Variants in PLEC observed in about 807,000 individuals in gnomAD.
PLEC encodes plectin, also known as hemidesmosomal protein 1.
Under a neutral mutation model 392.8 loss-of-function variants are expected in PLEC, and 216 were observed. That is an observed-to-expected ratio of 0.55 (90% CI 0.49 to 0.62). PLEC has a LOEUF of 0.62. Ranked by LOEUF, PLEC falls within the 20% of genes least tolerant of loss-of-function variation. The pLI is 0.00. For synonymous variants in PLEC, 3,621 were observed against 2,980.6 expected (o/e 1.21, Z -7.00); for missense variants, 6,863 against 6,563.4 (o/e 1.05, Z -1.58).
At position 143,920,830 on chromosome 8, in the gene PLEC, G is replaced by C. The variant is rs1279778532; in HGVS notation, c.8991C>G (p.Tyr2997Ter). The change falls in exon 32 of 32, where the codon TAC becomes TAG. Residue 2997 changes from tyrosine to a stop codon, truncating the protein, a stop_gained. Coordinates refer to ENST00000345136, the MANE Select transcript of PLEC (RefSeq NM_201384.3). LOFTEE classifies it high-confidence loss of function. ...AGCGCTCACCTCGCTGCAGCTGCTGGTAGAGCTCGCGGTCGATGACCCTGC... is the reference window on the plus strand; with the variant it reads ...AGCGCTCACCTCGCTGCAGCTGCTGCTAGAGCTCGCGGTCGATGACCCTGC... ...LESRVIDREL[Y>*]QQLQRGERSV... 1.9e-6 allele frequency: 3 copies of C among 1,608,596 alleles called. No homozygotes were observed. The highest frequency in any genetic ancestry group is 2.5e-6 in the Non-Finnish European group (3 of 1,179,946).
Position 143,935,919 on chromosome 8 carries a change from GC to G in PLEC, c.530del (p.Gly177AlafsTer31). On this transcript the variant is annotated frameshift_variant, in exon 6 of 32. Coordinates refer to ENST00000345136, the MANE Select transcript of PLEC (RefSeq NM_201384.3). LOFTEE classifies it high-confidence loss of function. ...TGGAGGTGAAGTTGTCGCATCGCAGGCCCTGGTACCCCTCCACCATTCGCTG... is the reference window on the plus strand; with the variant it reads ...TGGAGGTGAAGTTGTCGCATCGCAGGCCTGGTACCCCTCCACCATTCGCTG... ...WSQRMVEGYQGLRCDNFTSSW... is the reference protein window; with the variant it reads ...WSQRMVEGYQXLRCDNFTSSW... 6.2e-7 allele frequency: 1 copy of G among 1,612,950 alleles called. No individual in the cohort carries two copies. Among genetic ancestry groups the G allele is most frequent in the Non-Finnish European group, 8.5e-7 (1 of 1,179,970 alleles).
In PLEC at chr8:143,920,302, T is replaced by C; in HGVS notation, c.9519A>G (p.Ala3173=). 2.2e-5 allele frequency: 35 copies of C among 1,590,568 alleles called. No individual in the cohort carries two copies. The highest frequency in any genetic ancestry group is 3.0e-5 in the Non-Finnish European group (35 of 1,174,564). Residue 3173 remains alanine (A), a synonymous_variant, in exon 32 of 32, where the codon GCA becomes GCG. Transcript: ENST00000345136. ...LDEETSRALS[A]PRADAKAYSD... ...TGTAGGCCTTGGCGTCGGCCCTTGG[T>C]GCCGACAGGGCCCTGCTGGTCTCCT...
At position 143,935,307 on chromosome 8, in the gene PLEC, CA is replaced by C; in HGVS notation, c.608del (p.Leu203ArgfsTer5). ...GGTACACCTTGTTCATGTCGATGAG[CA>C]GGGGCCTGGGACAAGCAGGTGGCTG... ...FNAIIHRHKPLLIDMNKVYRQ... is the reference protein window; with the variant it reads ...FNAIIHRHKPXLIDMNKVYRQ... On this transcript the variant is annotated frameshift_variant, in exon 7 of 32. Transcript: ENST00000345136. LOFTEE classifies it high-confidence loss of function. 6.2e-7 allele frequency: 1 copy of C among 1,602,802 alleles called. No individual in the cohort carries two copies. Among genetic ancestry groups the C allele is most frequent in the Non-Finnish European group, 8.5e-7 (1 of 1,179,290 alleles).
chr8:143,962,056 T>C (rs1832893874), intron 1 of PLEC, among the ~76,000 whole-genome samples: 1 of 152,218 alleles, frequency 6.6e-6, no homozygotes, highest in Admixed American at 6.5e-5. Context: ...TACTGCAGGA[T>C]GGCTGGGTAG....
At chr8:143,963,231 G>C (rs1564228018) in intron 1 of PLEC, among the ~76,000 whole-genome samples, 1 of 152,242 alleles carries the variant, frequency 6.6e-6, no homozygotes, top group Non-Finnish European at 1.5e-5. Context: ...GGGCTTCTGA[G>C]AGTCTACAGG....
At chr8:143,951,867 C>G (rs920376289), upstream of PLEC, among the ~76,000 whole-genome samples, 13 of 151,548 alleles carry the variant, frequency 8.6e-5, no homozygotes, top group African/African-American at 1.2e-4. Context: ...CATCATCCAC[C>G]CCCCCCTCCC....
At chr8:143,930,613 A>G in intron 19 of PLEC, 77 bp from the exon 20 acceptor site, 1 of 1,487,510 alleles carries the variant, frequency 6.7e-7, no homozygotes, top group Non-Finnish European at 9.1e-7. Context: ...AGACCCCGGG[A>G]CCAGGCCTGT....
At chr8:143,956,430 CG>C (rs1293866786), upstream of PLEC, among the ~76,000 whole-genome samples, 1 of 152,170 alleles carries the variant, frequency 6.6e-6, no homozygotes, top group East Asian at 1.9e-4. Context: ...TATCCTGACA[CG>C]GTGGCCTGGG....
chr8:143,946,360 C>G, intron 1 of PLEC: 1 of 1,289,092 alleles, frequency 7.8e-7, no homozygotes, highest in Non-Finnish European at 1.0e-6. Context: ...CTTGGCCCAG[C>G]TGAATCAGCT....
At position 143,919,804 on chromosome 8, in the gene PLEC, C is replaced by T. The variant is rs782539268; in HGVS notation, c.10017G>A (p.Lys3339=). The T allele has an allele frequency of 5.0e-6, 8 of 1,612,918 alleles. No individual in the cohort carries two copies. Among genetic ancestry groups the T allele is most frequent in the Non-Finnish European group, 6.8e-6 (8 of 1,180,026 alleles). The change falls in exon 32 of 32, where the codon AAG becomes AAA. Residue 3339 remains lysine (K), a synonymous_variant. Coordinates refer to ENST00000345136, the MANE Select transcript of PLEC (RefSeq NM_201384.3). The part of the protein sequence containing the change: ...EQLKDGKTTV[K]DLSELGSVRT... ...GCACGGAGCCCAGCTCCGAAAGGTCCTTGACCGTCGTCTTGCCGTCCTTGA... is the reference window on the plus strand; with the variant it reads ...GCACGGAGCCCAGCTCCGAAAGGTCTTTGACCGTCGTCTTGCCGTCCTTGA...
At chr8:143,956,268 T>C (rs1025849250), upstream of PLEC, among the ~76,000 whole-genome samples, 23 of 152,026 alleles carry the variant, frequency 1.5e-4, 1 homozygote, top group Admixed American at 1.5e-3. Context: ...TTTTAAAGGA[T>C]TAAAACGCAT....
Position 143,930,776 on chromosome 8 carries a change from T to C in PLEC, c.2305-240A>G, listed in dbSNP as rs10107388. 0.43 allele frequency among the ~76,000 whole-genome samples: 65,491 copies of C among 152,010 alleles called. 15,414 individuals carry two copies. Among genetic ancestry groups the C allele is most frequent in the African/African-American group, 0.63 (25,935 of 41,444 alleles). The stretch of plus-strand genomic sequence containing the variant: ...TCCTCTCACCCCAGCTCACCCACCA[T>C]GTCCTCCCAGCTACGCTCTGGTCCC... On this transcript the variant is annotated intron_variant, in intron 19 of 31. Coordinates refer to ENST00000345136, the MANE Select transcript of PLEC (RefSeq NM_201384.3).
chr8:143,959,748 G>A (rs1356324490), intron 1 of PLEC, among the ~76,000 whole-genome samples: 1 of 152,252 alleles, frequency 6.6e-6, no homozygotes, highest in Non-Finnish European at 1.5e-5. Context: ...TGTAATCCCA[G>A]CACTGTGGGA....
In PLEC at chr8:143,929,681, T is replaced by C. The variant is rs781991187; in HGVS notation, c.2888A>G (p.His963Arg). 1.3e-6 allele frequency: 2 copies of C among 1,599,984 alleles called. No homozygotes were observed. The highest frequency in any genetic ancestry group is 2.2e-5 in the East Asian group (1 of 44,780). Reference sequence around the variant, plus strand: ...GCTCTGCAGCAGCTGCTGGTAGTGGTGGCTGCAGGAGCCGTACTCGCGCTC... The same window carrying C: ...GCTCTGCAGCAGCTGCTGGTAGTGGCGGCTGCAGGAGCCGTACTCGCGCTC... ...MAEREYGSCSHHYQQLLQSLE... is the reference protein window; with the variant it reads ...MAEREYGSCSRHYQQLLQSLE... Residue 963 changes from histidine to arginine, a missense_variant, in exon 23 of 32, where the codon CAC (histidine) becomes CGC (arginine). By Grantham distance (29) the His-to-Arg change is conservative. Coordinates refer to ENST00000345136, the MANE Select transcript of PLEC (RefSeq NM_201384.3).
Position 143,970,851 on chromosome 8 carries a change from T to C in PLEC, c.70+2552A>G, listed in dbSNP as rs1478675181. Among the ~76,000 whole-genome samples, 9 of 152,292 alleles carry C rather than the reference T, an allele frequency of 5.9e-5. No homozygotes were observed. In the South Asian group the frequency reaches 8.3e-4, roughly 14 times the overall value. ...GGCCAGGCTTGGGGCGCTGGGCGAC[T>C]GGACACCTCTTGGCAGCTGGGCCGA... On this transcript the variant is annotated intron_variant, in intron 1 of 31. Coordinates refer to the PLEC transcript ENST00000356346.
chr8:143,929,701 G>A lies in PLEC; in HGVS notation c.2868C>T (p.Arg956=). 1.3e-6 allele frequency: 2 copies of A among 1,599,482 alleles called. No individual in the cohort carries two copies. Among genetic ancestry groups the A allele is most frequent in the East Asian group, 2.2e-5 (1 of 44,774 alleles). ...FGPEDRLMAE[R]EYGSCSHHYQ... ...AGTGGTGGCTGCAGGAGCCGTACTCGCGCTCAGCCATCAGCCGGTCCTCGG... is the reference window on the plus strand; with the variant it reads ...AGTGGTGGCTGCAGGAGCCGTACTCACGCTCAGCCATCAGCCGGTCCTCGG... The change falls in exon 23 of 32, where the codon CGC becomes CGT. Residue 956 remains arginine, a synonymous_variant. Coordinates refer to ENST00000345136, the MANE Select transcript of PLEC (RefSeq NM_201384.3).
chr8:143,938,002 C>G (rs990517184), intron 3 of PLEC, 149 bp downstream of exon 3: 4 of 658,566 alleles, frequency 6.1e-6, no homozygotes, highest in African/African-American at 1.8e-5. Context: ...CTGCCAGGGA[C>G]GAGGCCAGCC....
intron 1 of PLEC, among the ~76,000 whole-genome samples, chr8:143,947,391 G>T (rs1364802341): frequency 6.6e-6 from 1 of 152,254 alleles, no homozygotes; most frequent in South Asian, 2.1e-4. Context: ...ACAGCGCTCA[G>T]CTGGCGTCTC....
Position 143,916,536 on chromosome 8 carries a change from C to T in PLEC, c.13285G>A (p.Gly4429Ser), listed in dbSNP as rs782175749. 1 of 1,611,778 alleles carries T rather than the reference C, an allele frequency of 6.2e-7. No individual in the cohort carries two copies. The highest frequency in any genetic ancestry group is 8.5e-7 in the Non-Finnish European group (1 of 1,179,496). Residue 4429 changes from glycine (G) to serine (S), a missense_variant, in exon 32 of 32, where the codon GGC (glycine) becomes AGC (serine). Coordinates refer to ENST00000345136, the MANE Select transcript of PLEC (RefSeq NM_201384.3). Reference sequence around the variant, plus strand: ...CAGGTGAGGTACTTGGAGTAGGCGCCCACGTCACGCAGCTTCTGTGCGGTG... The same window carrying T: ...CAGGTGAGGTACTTGGAGTAGGCGCTCACGTCACGCAGCTTCTGTGCGGTG... ...ARTAQKLRDV[G>S]AYSKYLTCPK...
Sources: allele counts gnomAD v4.1 joint callset (sites outside exome capture counted in the v4.1 genomes callset), GRCh38; gene constraint gnomAD v4.1.1; transcripts MANE v1.5; gene names NCBI Gene and HGNC (gene_info 2026-07-23, HGNC 2026-07-21).